Variants in RPF2 observed in about 807,000 individuals in gnomAD.
RPF2 encodes the protein ribosome production factor 2 homolog.
Under a neutral mutation model 38.9 loss-of-function variants are expected in RPF2, and 21 were observed. The observed-to-expected ratio is 0.54, with a 90% confidence interval of 0.38 to 0.78. The LOEUF (loss-of-function observed/expected upper bound fraction) is 0.78. RPF2 is among the 30% of genes least tolerant of loss of function. The pLI is 0.00. For missense variants in RPF2, 314 were observed against 358.1 expected, an observed-to-expected ratio of 0.88 and a Z score of 0.99; for synonymous variants, 121 against 126.2, an observed-to-expected ratio of 0.96 and a Z score of 0.28.
intron 7 of RPF2, among the ~76,000 whole-genome samples, chr6:111,013,072 C>A (rs1454645698): frequency 2.0e-5 from 3 of 152,214 alleles, no homozygotes; most frequent in Non-Finnish European, 4.4e-5. Flanking sequence ...ATACCACTTG[C>A]ATGACGTCTT....
chr6:110,985,935 C>CAA (rs71770271), intron 2 of RPF2, among the ~76,000 whole-genome samples: 50 of 104,552 alleles, frequency 4.8e-4, no homozygotes, highest in East Asian at 1.3e-3. Flanking sequence ...GACTCCATTT[C>CAA]AAAAAAAAAA....
chr6:111,018,058 C>T (rs1169942421), intron 8 of RPF2, among the ~76,000 whole-genome samples: 1 of 152,090 alleles, frequency 6.6e-6, no homozygotes, highest in Non-Finnish European at 1.5e-5. Context: ...CAAAAAAATA[C>T]GAAAACCAGT....
intron 8 of RPF2, among the ~76,000 whole-genome samples, chr6:111,022,110 A>G (rs1772244369): frequency 6.6e-6 from 1 of 152,254 alleles, no homozygotes; most frequent in South Asian, 2.1e-4. Context: ...TAGTAATGCC[A>G]CATGTGCCTT....
intron 8 of RPF2, among the ~76,000 whole-genome samples, chr6:111,016,670 C>CTTTTTTTTTTTT (rs71021821): frequency 8.2e-6 from 1 of 122,180 alleles, no homozygotes; most frequent in Non-Finnish European, 1.6e-5. Flanking sequence ...AATTGTGGTT[C>CTTTTTTTTTTTT]TTTTTTTTTT....
In RPF2 at chr6:111,027,320, A is replaced by G. The variant is rs1024789524; in HGVS notation, c.*1738A>G. Reference sequence around the variant, plus strand: ...TTTTTGTTTGATTATACGTTTAACCAAAGACCATACAGTCTCGTACCTGAA... The same window carrying G: ...TTTTTGTTTGATTATACGTTTAACCGAAGACCATACAGTCTCGTACCTGAA... On this transcript the variant is annotated 3_prime_UTR_variant, in exon 10 of 10. Coordinates refer to ENST00000441448, the MANE Select transcript of RPF2 (RefSeq NM_032194.3). 2 of 152,200 alleles carry G rather than the reference A, an allele frequency of 1.3e-5. No homozygotes were observed. The highest frequency in any genetic ancestry group is 4.8e-5 in the African/African-American group (2 of 41,456). The allele number at this position is 152,200 out of a possible 1,614,324, so 9.4% of individuals were successfully genotyped here.
chr6:111,016,593 G>GAA lies in RPF2; in HGVS notation c.596+742_596+743dup, dbSNP rs1437504815. On this transcript the variant is annotated intron_variant, in intron 8 of 9. Coordinates refer to ENST00000441448, the MANE Select transcript of RPF2 (RefSeq NM_032194.3). Reference sequence around the variant, plus strand: ...GCCTGGGCAACAGAGTGAGGGCGCTGAAAAAACAAAAAACAAAAAACTCTT... The same window carrying GAA: ...GCCTGGGCAACAGAGTGAGGGCGCTGAAAAAAAACAAAAAACAAAAAACTCTT... Among the ~76,000 whole-genome samples, 3,837 of 140,760 alleles carry GAA rather than the reference G, an allele frequency of 0.027. 312 individuals are homozygous for GAA. In the East Asian group the frequency reaches 0.29, roughly 11 times the overall value. 92.3% of individuals were successfully genotyped at this position (140,760 alleles called of 152,430 possible).
chr6:110,986,772 T>C (rs1323156089), intron 2 of RPF2, among the ~76,000 whole-genome samples: 2 of 151,772 alleles, frequency 1.3e-5, no homozygotes, highest in African/African-American at 4.8e-5. Context: ...GCTAACACGG[T>C]GAAATCCTGT....
rs1055105652 is a variant in RPF2 at position 110,982,681 on chromosome 6, C to T, written c.23+552C>T. 3.9e-5 allele frequency among the ~76,000 whole-genome samples: 6 copies of T among 152,184 alleles called. No individual in the cohort carries two copies. The East Asian group carries it at 1.2e-3, about 29-fold the overall frequency. ...ACTTTGTACACTCCTCTGAGTTATCCTTGAATGATACCTGTTTTAAATTTG... is the reference window on the plus strand; with the variant it reads ...ACTTTGTACACTCCTCTGAGTTATCTTTGAATGATACCTGTTTTAAATTTG... On this transcript the variant is annotated intron_variant, in intron 1 of 9. Coordinates refer to ENST00000441448, the MANE Select transcript of RPF2 (RefSeq NM_032194.3).
chr6:110,985,649 CAT>C (rs1771511346), intron 2 of RPF2, among the ~76,000 whole-genome samples: 1 of 151,920 alleles, frequency 6.6e-6, no homozygotes, highest in Admixed American at 6.6e-5. Context: ...GTTAAAATCA[CAT>C]AGGGGAGGCC....
chr6:111,017,544 C>T (rs1171497376), intron 8 of RPF2, among the ~76,000 whole-genome samples: 6 of 151,238 alleles, frequency 4.0e-5, no homozygotes, highest in Non-Finnish European at 8.8e-5. Context: ...GACGGGGCGG[C>T]CGGGCAGAGA....
At chr6:111,021,747 C>T (rs1392022210) in intron 8 of RPF2, among the ~76,000 whole-genome samples, 1 of 152,158 alleles carries the variant, frequency 6.6e-6, no homozygotes, top group African/African-American at 2.4e-5. Flanking sequence ...AACTTGGCTC[C>T]CCAGGCATTC....
At chr6:111,002,402 G>C (rs1191931618) in intron 6 of RPF2, among the ~76,000 whole-genome samples, 2 of 152,084 alleles carry the variant, frequency 1.3e-5, no homozygotes, top group East Asian at 3.9e-4. Context: ...GTACAGTGGT[G>C]GGATCACCGC....
chr6:111,014,551 T>G (rs1028546465), intron 7 of RPF2, among the ~76,000 whole-genome samples: 2 of 152,224 alleles, frequency 1.3e-5, no homozygotes, highest in African/African-American at 2.4e-5. Flanking sequence ...AGGAAAATGC[T>G]AGGTGGCTAC....
rs1050739966 is a variant in RPF2, at chr6:111,027,494, C to T, written c.*1912C>T. 1.1e-4 allele frequency: 17 copies of T among 152,130 alleles called. No individual in the cohort carries two copies. The highest frequency in any genetic ancestry group is 3.6e-4 in the African/African-American group (15 of 41,426). The allele number at this position is 152,130 out of a possible 1,614,324, so 9.4% of individuals were successfully genotyped here. On this transcript the variant is annotated 3_prime_UTR_variant, in exon 10 of 10. Coordinates refer to ENST00000441448, the MANE Select transcript of RPF2 (RefSeq NM_032194.3). ...GACGCATAGTCCTTCCCCAAAGCCT[C>T]GCTCATCACTGGTAGGAGGCAAAGC...
chr6:110,995,023 G>A (rs1430735939), intron 4 of RPF2, among the ~76,000 whole-genome samples: 1 of 151,992 alleles, frequency 6.6e-6, no homozygotes, highest in Non-Finnish European at 1.5e-5. Flanking sequence ...TCCCACCTCA[G>A]TCTCCTGAGT....
chr6:111,025,570 TA>T lies in RPF2; in HGVS notation c.917del (p.Asn306IlefsTer5), dbSNP rs749674122. The T allele has an allele frequency of 8.9e-6, 14 of 1,581,558 alleles. No homozygotes were observed. The highest frequency in any genetic ancestry group is 3.4e-4 in the Middle Eastern group (2 of 5,900). On this transcript the variant is annotated frameshift_variant, in exon 10 of 10. Transcript: ENST00000441448. LOFTEE classifies it high-confidence loss of function. ...EDHEKKSKRI[K>X]KN ...ACCACGAGAAAAAGTCAAAAAGAAT[TA>T]AAAAAAATTGATGGAACTTAGCCAG...
rs752679299 is a variant in RPF2, at chr6:110,982,067, G to T, written c.-40G>T. Reference sequence around the variant, plus strand: ...CGGCGCACGTAATCGCCGAGGGCACGTGCATGCCCCCTGGTTAAGAGTTGC... The same window carrying T: ...CGGCGCACGTAATCGCCGAGGGCACTTGCATGCCCCCTGGTTAAGAGTTGC... On this transcript the variant is annotated 5_prime_UTR_variant, in exon 1 of 10. Transcript: ENST00000441448. 31 of 1,613,486 alleles carry T rather than the reference G, an allele frequency of 1.9e-5. No homozygotes were observed. The highest frequency in any genetic ancestry group is 2.5e-5 in the Non-Finnish European group (29 of 1,179,492).
At chr6:111,022,838 C>A (rs1467508940) in intron 8 of RPF2, among the ~76,000 whole-genome samples, 1 of 152,164 alleles carries the variant, frequency 6.6e-6, no homozygotes, top group Non-Finnish European at 1.5e-5. Flanking sequence ...TGAAAATTAG[C>A]AGTTTTAAGT....
rs778905959 is a variant in RPF2 at position 110,991,737 on chromosome 6, A to G, written c.195-10A>G. The G allele has an allele frequency of 9.2e-7, 1 of 1,085,498 alleles. No individual in the cohort carries two copies. The highest frequency in any genetic ancestry group is 1.3e-6 in the Non-Finnish European group (1 of 756,808). The allele number at this position is 1,085,498 out of a possible 1,614,324, so 67.2% of individuals were successfully genotyped here. ...GATTATTAAAATTGTCACTTTTTTG[A>G]TATTCTTAGGAAAAATATTACAAGA... On this transcript the variant is annotated splice_polypyrimidine_tract_variant and intron_variant, in intron 3 of 9. Coordinates refer to ENST00000441448, the MANE Select transcript of RPF2 (RefSeq NM_032194.3).
Sources: gnomAD v4.1 joint callset for allele counts (sites outside exome capture counted in the v4.1 genomes callset) on GRCh38, gnomAD v4.1.1 for gene constraint, MANE v1.5 for transcripts, NCBI Gene and HGNC (gene_info 2026-07-23, HGNC 2026-07-21) for gene names.